MCFD2: variants seen among roughly 807,000 people sequenced by gnomAD.
MCFD2 encodes the protein multiple coagulation factor deficiency 2, ER cargo receptor complex subunit, also known as multiple coagulation factor deficiency protein 2.
MCFD2 carries 11 observed loss-of-function variants against 12.8 expected under a neutral mutation model. That is an observed-to-expected ratio of 0.86 (90% CI 0.54 to 1.42). MCFD2 has a LOEUF of 1.42. MCFD2 is among the 40% of genes most tolerant of loss of function. The pLI is 0.00. For synonymous variants in MCFD2, 70 were observed against 68.1 expected, an observed-to-expected ratio of 1.03 and a Z score of -0.14; for missense variants, 191 against 178.6, an observed-to-expected ratio of 1.07 and a Z score of -0.40.
intron 1 of MCFD2, among the ~76,000 whole-genome samples, chr2:46,931,413 C>G (rs1669694002): frequency 1.3e-5 from 2 of 152,220 alleles, no homozygotes; most frequent in South Asian, 4.1e-4. Context: ...GCAAAAAGGA[C>G]TTTGCAGAGG....
Position 46,905,509 on chromosome 2 carries a change from T to C in MCFD2, c.395A>G (p.Asn132Ser), listed in dbSNP as rs745351183. The change falls in exon 4 of 4, where the codon AAT (asparagine) becomes AGT (serine). Residue 132 changes from asparagine (N) to serine (S), a missense_variant. Asn to Ser is a conservative substitution (Grantham distance 46). Coordinates refer to ENST00000319466, the MANE Select transcript of MCFD2 (RefSeq NM_139279.6). ...TTCAGCATAGTCAATGTATCCATCATTGTTCTTGTCATCATCTCTCAAAAC... is the reference window on the plus strand; with the variant it reads ...TTCAGCATAGTCAATGTATCCATCACTGTTCTTGTCATCATCTCTCAAAAC... ...DGVLRDDDKN[N>S]DGYIDYAEFA... The C allele has an allele frequency of 3.6e-5, 58 of 1,613,364 alleles. No homozygotes were observed. The highest frequency in any genetic ancestry group is 4.3e-5 in the Non-Finnish European group (51 of 1,179,922).
chr2:46,915,160 G>A (rs951522635), intron 1 of MCFD2, among the ~76,000 whole-genome samples: 1 of 152,230 alleles, frequency 6.6e-6, no homozygotes, highest in Non-Finnish European at 1.5e-5. Context: ...ACTAGGTAGG[G>A]CAGGGGGATG....
At position 46,941,796 on chromosome 2, in the gene MCFD2, C is replaced by G; in HGVS notation, c.-232G>C. On this transcript the variant is annotated 5_prime_UTR_variant, in exon 1 of 3. Coordinates refer to the MCFD2 transcript ENST00000409147. The surrounding 1 kb of genome is among the most constrained non-coding windows in gnomAD (Gnocchi z 4.2). ...CGCACCGCCTCCTCCAGGAAGCGCG[C>G]CCAGACAGTCCTCGGCCGACAGCGG... 1 of 1,530,152 alleles carries G rather than the reference C, an allele frequency of 6.5e-7. No individual in the cohort carries two copies. The highest frequency in any genetic ancestry group is 8.8e-7 in the Non-Finnish European group (1 of 1,132,676). 94.8% of individuals were successfully genotyped at this position (1,530,152 alleles called of 1,614,324 possible).
intron 1 of MCFD2, among the ~76,000 whole-genome samples, chr2:46,939,239 C>T (rs919207090): frequency 7.2e-5 from 11 of 152,056 alleles, no homozygotes; most frequent in Non-Finnish European, 1.3e-4. Flanking sequence ...GTACAATAGC[C>T]TCTAAAACAA....
intron 1 of MCFD2, among the ~76,000 whole-genome samples, chr2:46,930,611 T>C (rs958659162): frequency 6.6e-6 from 1 of 151,796 alleles, no homozygotes; most frequent in African/African-American, 2.4e-5. Flanking sequence ...GCGATTCTCC[T>C]GCCTCAGCCT....
upstream of MCFD2, among the ~76,000 whole-genome samples, chr2:46,917,639 C>G (rs1485889153): frequency 1.3e-5 from 2 of 152,184 alleles, no homozygotes; most frequent in Non-Finnish European, 2.9e-5. Flanking sequence ...TGTTATGTCT[C>G]TCTTGAATCT....
At chr2:46,909,225 G>A in intron 1 of MCFD2, 48 bp from the exon 2 acceptor site, 2 of 1,582,626 alleles carry the variant, frequency 1.3e-6, no homozygotes, top group Non-Finnish European at 8.6e-7. Flanking sequence ...TCAGAGCAAA[G>A]GTTTCGTTCA....
Position 46,941,476 on chromosome 2 carries a change from A to G in MCFD2, c.-8+96T>C. On this transcript the variant is annotated intron_variant, in intron 1 of 2. Transcript: ENST00000409147. This position sits in a 1 kb window ranked among gnomAD's most constrained non-coding sequence, Gnocchi z 4.2. Reference sequence around the variant, plus strand: ...CCCCGCCCGCGAGTGCGCCCCAGCCAGGACGCCGCCCCCGGCCGGGTCTCC... The same window carrying G: ...CCCCGCCCGCGAGTGCGCCCCAGCCGGGACGCCGCCCCCGGCCGGGTCTCC... 8.6e-6 allele frequency: 13 copies of G among 1,514,714 alleles called. No homozygotes were observed. Among genetic ancestry groups the G allele is most frequent in the South Asian group, 1.2e-5 (1 of 81,066 alleles). The allele number at this position is 1,514,714 out of a possible 1,614,324, so 93.8% of individuals were successfully genotyped here.
In MCFD2 at chr2:46,941,401, C is replaced by G. The variant is rs936271043; in HGVS notation, c.-8+171G>C. On this transcript the variant is annotated intron_variant, in intron 1 of 2. Coordinates refer to the MCFD2 transcript ENST00000409147. This position sits in a 1 kb window ranked among gnomAD's most constrained non-coding sequence, Gnocchi z 4.2. ...CTGCTGCTGCCCACCCTCCGCCGCCCGGGCCCCCGCTGCCGCCCGGGCCCC... is the reference window on the plus strand; with the variant it reads ...CTGCTGCTGCCCACCCTCCGCCGCCGGGGCCCCCGCTGCCGCCCGGGCCCC... 8.5e-5 allele frequency: 61 copies of G among 717,130 alleles called. No individual in the cohort carries two copies. In the East Asian group the frequency reaches 1.1e-3, roughly 12 times the overall value. 44.4% of individuals were successfully genotyped at this position (717,130 alleles called of 1,614,324 possible).
rs373893031 is a variant in MCFD2, at chr2:46,905,573, G to T, written c.331C>A (p.Leu111Ile). The change falls in exon 4 of 4, where the codon CTA (leucine) becomes ATA (isoleucine). Residue 111 changes from leucine to isoleucine, a missense_variant. Leu to Ile is a conservative substitution (Grantham distance 5). Coordinates refer to ENST00000319466, the MANE Select transcript of MCFD2 (RefSeq NM_139279.6). ...TTAATCAGTTCATCTTCACTCATTA[G>T]TGGTGCCTGTTCACTCCCTTCCTAC... ...HKEEGSEQAP[L>I]MSEDELINII... 4 of 1,613,320 alleles carry T rather than the reference G, an allele frequency of 2.5e-6. No individual in the cohort carries two copies. Among genetic ancestry groups the T allele is most frequent in the East Asian group, 4.5e-5 (2 of 44,826 alleles).
intron 1 of MCFD2, among the ~76,000 whole-genome samples, chr2:46,925,943 GATCTT>G (rs1669361172): frequency 1.3e-5 from 2 of 152,172 alleles, no homozygotes; most frequent in Admixed American, 6.5e-5. Flanking sequence ...TGTCAGCTAA[GATCTT>G]ATTTTTTGGA....
At chr2:46,919,000 A>G (rs1432714658), upstream of MCFD2, among the ~76,000 whole-genome samples, 1 of 152,218 alleles carries the variant, frequency 6.6e-6, no homozygotes, top group African/African-American at 2.4e-5. Flanking sequence ...AGGTGGCTTT[A>G]TCAGGAGATA....
upstream of MCFD2, among the ~76,000 whole-genome samples, chr2:46,920,076 C>T (rs1007136367): frequency 4.6e-5 from 7 of 152,130 alleles, no homozygotes; most frequent in Non-Finnish European, 7.4e-5. Context: ...CATTTGATGA[C>T]CTTGTTTCTT....
upstream of MCFD2, chr2:46,917,170 T>C: frequency 1.4e-6 from 1 of 701,632 alleles, no homozygotes; most frequent in Non-Finnish European, 2.6e-6. Flanking sequence ...TAATTTTTTT[T>C]TCTTTTTTTA....
intron 3 of MCFD2, among the ~76,000 whole-genome samples, chr2:46,906,136 A>C (rs1260543539): frequency 6.6e-6 from 1 of 152,160 alleles, no homozygotes; most frequent in African/African-American, 2.4e-5. Flanking sequence ...GGCTGTTCAC[A>C]TCCTTGGCTG....
At chr2:46,917,197 T>G (rs1481687202), upstream of MCFD2, 1 of 701,208 alleles carries the variant, frequency 1.4e-6, no homozygotes, top group Non-Finnish European at 2.6e-6. Context: ...AGAGTCTCCA[T>G]GGTGCCCAGC....
intron 1 of MCFD2, chr2:46,912,728 ACTT>A (rs1452074553): frequency 2.0e-5 from 3 of 152,160 alleles, no homozygotes; most frequent in African/African-American, 4.8e-5. Flanking sequence ...CTGCCTGATT[ACTT>A]GTCAGTGCCC....
rs1668036147 is a variant in MCFD2, at chr2:46,902,086, T to C, written c.*3377A>G. On this transcript the variant is annotated 3_prime_UTR_variant, in exon 4 of 4. Transcript: ENST00000319466. The stretch of plus-strand genomic sequence containing the variant: ...ACATCCTACGACAAATTTTGTAGTC[T>C]CTTTTTCCCATTCAATCATCGTTTC... 1 of 152,692 alleles carries C rather than the reference T, an allele frequency of 6.5e-6. No individual in the cohort carries two copies. The highest frequency in any genetic ancestry group is 1.5e-5 in the Non-Finnish European group (1 of 68,040). 9.5% of individuals were successfully genotyped at this position (152,692 alleles called of 1,614,324 possible). A position where few individuals can be genotyped will look rare whatever the true frequency, so the allele number is the denominator to read the frequency against.
In MCFD2 at chr2:46,941,553, G is replaced by A. The variant is rs1274237789; in HGVS notation, c.-8+19C>T. 11 of 1,554,684 alleles carry A rather than the reference G, an allele frequency of 7.1e-6. No individual in the cohort carries two copies. Among genetic ancestry groups the A allele is most frequent in the East Asian group, 2.4e-5 (1 of 41,330 alleles). On this transcript the variant is annotated intron_variant, in intron 1 of 2. Transcript: ENST00000409147. The surrounding 1 kb of genome is among the most constrained non-coding windows in gnomAD (Gnocchi z 4.2). ...GCGCCCGCGAGAAGATGGCTGCGAAGGGCGCGCACGGCTCCTACCTGAAGG... is the reference window on the plus strand; with the variant it reads ...GCGCCCGCGAGAAGATGGCTGCGAAAGGCGCGCACGGCTCCTACCTGAAGG...
Sources: allele counts gnomAD v4.1 joint callset (sites outside exome capture counted in the v4.1 genomes callset), GRCh38; gene constraint gnomAD v4.1.1; non-coding constraint Gnocchi (gnomAD v3.1); transcripts MANE v1.5; gene names NCBI Gene and HGNC (gene_info 2026-07-23, HGNC 2026-07-21).